The following SBF1 variants were observed in gnomAD, a reference collection of about 807,000 sequenced individuals.
SBF1 encodes SET binding factor 1, also known as myotubularin-related protein 5.
A neutral mutation model predicts 215.8 loss-of-function variants in SBF1; 65 were observed. The observed-to-expected ratio is 0.30, with a 90% CI of 0.25 to 0.37. SBF1 has a LOEUF of 0.37. Among genes scored for constraint, SBF1 ranks in the 10% least tolerant of loss-of-function variants. SBF1 has a pLI of 1.00. For missense variants in SBF1, 2,634 were observed against 2,667.8 expected (o/e 0.99, Z 0.28); for synonymous variants, 1,410 against 1,122.8 (o/e 1.26, Z -5.11).
At position 50,457,784 on chromosome 22, in the gene SBF1, T is replaced by C. The variant is rs367943253; in HGVS notation, c.3827-673A>G. 3.2e-4 allele frequency among the ~76,000 whole-genome samples: 49 copies of C among 152,298 alleles called. No individual in the cohort carries two copies. The East Asian group carries it at 6.8e-3, about 21-fold the overall frequency. On this transcript the variant is annotated intron_variant, in intron 28 of 40. Transcript: ENST00000380817. ...GGTCCACAGAGGGTCTCTGGGCGCC[T>C]GGCCCTGCCCAGGCTCACCTGCTTC...
intron 40 of SBF1, 28 bp downstream of exon 40, chr22:50,447,294 C>T: frequency 6.2e-7 from 1 of 1,613,404 alleles, no homozygotes; most frequent in Non-Finnish European, 8.5e-7. Context: ...GAGCCCCTCC[C>T]CTCTCCCAAG....
At chr22:50,447,648 T>C (rs761219570) in intron 38 of SBF1, 39 bp from the exon 39 acceptor site, 6 of 1,487,788 alleles carry the variant, frequency 4.0e-6, no homozygotes, top group African/African-American at 2.8e-5. Flanking sequence ...CTGACCGTCA[T>C]GGCCCAGCCA....
Position 50,457,058 on chromosome 22 carries a change from C to T in SBF1, c.3880G>A (p.Ala1294Thr). 6.8e-7 allele frequency: 1 copy of T among 1,464,578 alleles called. No homozygotes were observed. The highest frequency in any genetic ancestry group is 9.0e-7 in the Non-Finnish European group (1 of 1,113,964). 90.7% of individuals were successfully genotyped at this position (1,464,578 alleles called of 1,614,324 possible). ...TTLSNPMAAS[A>T]SRRTAPRGKW... Reference sequence around the variant, plus strand: ...CCTCGGGGTGCGGTCCGTCTGGAGGCCGAGGCCGCCATGGGGTTGGACAGC... The same window carrying T: ...CCTCGGGGTGCGGTCCGTCTGGAGGTCGAGGCCGCCATGGGGTTGGACAGC... Residue 1294 changes from alanine (A) to threonine (T), a missense_variant, in exon 29 of 41, where the codon GCC becomes ACC. Transcript: ENST00000380817.
Position 50,461,997 on chromosome 22 carries a change from T to C in SBF1, c.2519A>G (p.Glu840Gly), listed in dbSNP as rs1389548340. The C allele has an allele frequency of 3.1e-6, 5 of 1,614,186 alleles. No individual in the cohort carries two copies. The change falls in exon 20 of 41, where the codon GAG becomes GGG. Residue 840 changes from glutamate (E) to glycine (G), a missense_variant. Glu to Gly is a moderately conservative substitution (Grantham distance 98). Coordinates refer to ENST00000380817, the MANE Select transcript of SBF1 (RefSeq NM_002972.4). ...INRFVDKVCT[E>G]SGVTSDHLKG... ...GAGGTGGTCGCTGGTGACCCCACTC[T>C]CCGTGCAGACCTTGTCCACAAAGCG...
rs576532631 is a variant in SBF1, at chr22:50,465,150, G to A, written c.1204-21C>T. ...GCTGCCTGGATGACAGAAGGAGGTC[G>A]GTCCCTCAGGGGTCTCCACCATGCG... On this transcript the variant is annotated intron_variant, in intron 11 of 40. Coordinates refer to ENST00000380817, the MANE Select transcript of SBF1 (RefSeq NM_002972.4). 3.3e-5 allele frequency: 53 copies of A among 1,613,832 alleles called. No individual in the cohort carries two copies. The East Asian group carries it at 3.3e-4, about 10-fold the overall frequency.
chr22:50,455,010 A>G lies in SBF1; in HGVS notation c.4681+6T>C, dbSNP rs927445637. 5 of 1,613,950 alleles carry G rather than the reference A, an allele frequency of 3.1e-6. No homozygotes were observed. The highest frequency in any genetic ancestry group is 4.2e-6 in the Non-Finnish European group (5 of 1,179,998). On this transcript the variant is annotated splice_donor_region_variant and intron_variant, in intron 34 of 40. Coordinates refer to ENST00000380817, the MANE Select transcript of SBF1 (RefSeq NM_002972.4). The stretch of plus-strand genomic sequence containing the variant: ...GTGGCTGCCCCAGCCCCGACTCCCC[A>G]CATACCCAGCTCAATGCGCTCATAG...
intron 31 of SBF1, 143 bp downstream of exon 31, chr22:50,456,073 G>A: frequency 1.1e-6 from 1 of 898,762 alleles, no homozygotes; most frequent in Non-Finnish European, 1.6e-6. Context: ...CTAGGCACCA[G>A]AGCCTGGGTG....
rs758311918 is a variant in SBF1, at chr22:50,474,977, G to C, written c.-137C>G. 1 of 344,100 alleles carries C rather than the reference G, an allele frequency of 2.9e-6. No homozygotes were observed. Among genetic ancestry groups the C allele is most frequent in the African/African-American group, 2.2e-5 (1 of 44,666 alleles). The allele number at this position is 344,100 out of a possible 1,614,324, so 21.3% of individuals were successfully genotyped here. On this transcript the variant is annotated 5_prime_UTR_variant, in exon 1 of 41. Coordinates refer to ENST00000380817, the MANE Select transcript of SBF1 (RefSeq NM_002972.4). ...CCCTGGTTCGCTCCGCGGCGGCGGC[G>C]GCGGCGGCGGCGGCGGCCCAGGTTC...
rs769863574 is a variant in SBF1 at position 50,468,363 on chromosome 22, G to A, written c.141+13C>T. The A allele has an allele frequency of 1.6e-4, 263 of 1,610,494 alleles. No homozygotes were observed. Among genetic ancestry groups the A allele is most frequent in the Admixed American group, 3.5e-4 (21 of 59,884 alleles). ...CCACCTGCCAGCACCGTCTCAGCAC[G>A]CCCCCAACTCACCAGCTCGATGCCC... On this transcript the variant is annotated intron_variant, in intron 2 of 40. Coordinates refer to ENST00000380817, the MANE Select transcript of SBF1 (RefSeq NM_002972.4).
intron 36 of SBF1, among the ~76,000 whole-genome samples, chr22:50,452,731 A>C (rs1289095602): frequency 6.7e-6 from 1 of 149,578 alleles, no homozygotes; most frequent in Non-Finnish European, 1.5e-5. Flanking sequence ...CTCAAAAAAA[A>C]AAAAAAAAAA....
At position 50,447,463 on chromosome 22, in the gene SBF1, G is replaced by A. The variant is rs746912722; in HGVS notation, c.5452-10C>T. On this transcript the variant is annotated splice_polypyrimidine_tract_variant and intron_variant, in intron 39 of 40. Coordinates refer to ENST00000380817, the MANE Select transcript of SBF1 (RefSeq NM_002972.4). Reference sequence around the variant, plus strand: ...GGTCGTAGTAGCGCAGCTGGAGGAGGCCACAGAGTCAGCGGAGCCCCCTCC... The same window carrying A: ...GGTCGTAGTAGCGCAGCTGGAGGAGACCACAGAGTCAGCGGAGCCCCCTCC... 7.6e-6 allele frequency: 12 copies of A among 1,585,892 alleles called. No individual in the cohort carries two copies. The highest frequency in any genetic ancestry group is 1.1e-5 in the South Asian group (1 of 90,356).
At chr22:50,471,593 C>T (rs940391151) in intron 1 of SBF1, among the ~76,000 whole-genome samples, 1 of 152,198 alleles carries the variant, frequency 6.6e-6, no homozygotes, top group African/African-American at 2.4e-5. Flanking sequence ...CTTCCTGCTA[C>T]GCCACCCACC....
intron 31 of SBF1, 96 bp downstream of exon 31, chr22:50,456,120 A>G (rs185542738): frequency 8.6e-5 from 113 of 1,316,412 alleles, no homozygotes; most frequent in African/African-American, 6.0e-4. Context: ...AGCGCTCCAC[A>G]CTGTCAGACA....
chr22:50,468,263 A>G, intron 2 of SBF1, 113 bp downstream of exon 2: 1 of 1,029,218 alleles, frequency 9.7e-7, no homozygotes, highest in Non-Finnish European at 1.4e-6. Context: ...TCTTGTCCCT[A>G]GCCCAGCGGG....
At chr22:50,461,393 GCAGA>G (rs757008555) in intron 22 of SBF1, 107 bp from the exon 23 acceptor site, 17 of 1,502,760 alleles carry the variant, frequency 1.1e-5, no homozygotes, top group African/African-American at 7.0e-5. Flanking sequence ...TGGGGAAGGA[GCAGA>G]CAAAGGCCCG....
Position 50,457,045 on chromosome 22 carries a change from G to A in SBF1, c.3893C>T (p.Thr1298Ile). 2 of 1,449,070 alleles carry A rather than the reference G, an allele frequency of 1.4e-6. No homozygotes were observed. The highest frequency in any genetic ancestry group is 9.1e-7 in the Non-Finnish European group (1 of 1,104,810). The allele number at this position is 1,449,070 out of a possible 1,614,324, so 89.8% of individuals were successfully genotyped here. A position where few individuals can be genotyped will look rare whatever the true frequency, so the allele number is the denominator to read the frequency against. Reference protein sequence around the residue: ...NPMAASASRRTAPRGKWGSVR... With the variant: ...NPMAASASRRIAPRGKWGSVR... ...GCTCGGTACGGTACCTCGGGGTGCG[G>A]TCCGTCTGGAGGCCGAGGCCGCCAT... The change falls in exon 29 of 41, where the codon ACC becomes ATC. Residue 1298 changes from threonine (T) to isoleucine (I), a missense_variant. Coordinates refer to ENST00000380817, the MANE Select transcript of SBF1 (RefSeq NM_002972.4).
At position 50,454,527 on chromosome 22, in the gene SBF1, G is replaced by T; in HGVS notation, c.5028C>A (p.Ile1676=). The T allele has an allele frequency of 6.2e-7, 1 of 1,609,900 alleles. No homozygotes were observed. The change falls in exon 36 of 41, where the codon ATC becomes ATA. Residue 1676 remains isoleucine (I), a synonymous_variant. Coordinates refer to ENST00000380817, the MANE Select transcript of SBF1 (RefSeq NM_002972.4). ...TCACACGCACCTCCAGCAGGCGTGAGATGGCGTCAGGCTGGGCCCGCGGGC... is the reference window on the plus strand; with the variant it reads ...TCACACGCACCTCCAGCAGGCGTGATATGGCGTCAGGCTGGGCCCGCGGGC... ...DSCPRAQPDA[I]SRLLEELQRL...
intron 23 of SBF1, 77 bp downstream of exon 23, chr22:50,461,082 T>TTC: frequency 6.7e-7 from 1 of 1,499,062 alleles, no homozygotes; most frequent in Non-Finnish European, 8.9e-7. Flanking sequence ...CTAAAAATGG[T>TTC]TCATACAAGA....
intron 10 of SBF1, 122 bp downstream of exon 10, chr22:50,465,641 G>A: frequency 2.2e-6 from 2 of 924,756 alleles, no homozygotes; most frequent in Non-Finnish European, 3.2e-6. Context: ...CCAGGCTCCT[G>A]CTTCTGCTAC....
Sources: gnomAD v4.1 joint callset for allele counts (sites outside exome capture counted in the v4.1 genomes callset) on GRCh38, gnomAD v4.1.1 for gene constraint, MANE v1.5 for transcripts, NCBI Gene and HGNC (gene_info 2026-07-23, HGNC 2026-07-21) for gene names.